PBK: variants seen among roughly 807,000 people sequenced by gnomAD.
PBK encodes lymphokine-activated killer T-cell-originated protein kinase.
A neutral mutation model predicts 33.5 loss-of-function variants in PBK; 22 were observed. That is an observed-to-expected ratio of 0.66 (90% CI 0.47 to 0.94). PBK has a LOEUF of 0.94. Ranked by LOEUF, PBK falls within the 40% of genes least tolerant of loss-of-function variation. The pLI, the probability that PBK is intolerant of heterozygous loss-of-function variation, is 0.00. For missense variants in PBK, 376 were observed against 383.4 expected (o/e 0.98, Z 0.16); for synonymous variants, 129 against 123.8 (o/e 1.04, Z -0.28).
intron 2 of PBK, 152 bp downstream of exon 2, chr8:27,832,904 A>G (rs762024904): frequency 1.1e-4 from 61 of 558,148 alleles, no homozygotes; most frequent in Non-Finnish European, 1.7e-4. Context: ...GGCCTATAAA[A>G]TAAGTCTTAT....
chr8:27,814,459 CT>C (rs1420365898), intron 6 of PBK, among the ~76,000 whole-genome samples: 1 of 151,952 alleles, frequency 6.6e-6, no homozygotes, highest in Non-Finnish European at 1.5e-5. Flanking sequence ...ATTTCATTAT[CT>C]TTTCAAATAA....
At chr8:27,819,944 G>A (rs1223825014) in intron 6 of PBK, among the ~76,000 whole-genome samples, 1 of 151,922 alleles carries the variant, frequency 6.6e-6, no homozygotes, top group East Asian at 1.9e-4. Context: ...AGAAATTCAG[G>A]CATTTATATG....
Position 27,829,342 on chromosome 8 carries a change from G to A in PBK, c.59-1144C>T, listed in dbSNP as rs193294540. Among the ~76,000 whole-genome samples the A allele has an allele frequency of 2.0e-5, 3 of 152,276 alleles. No homozygotes were observed. The East Asian group carries it at 5.8e-4, about 29-fold the overall frequency. Reference sequence around the variant, plus strand: ...AAAGTCCTCTAAAGGGTCACAACTAGATAGTACAGCTAAAGTTTAGCCCCA... The same window carrying A: ...AAAGTCCTCTAAAGGGTCACAACTAAATAGTACAGCTAAAGTTTAGCCCCA... On this transcript the variant is annotated intron_variant, in intron 2 of 7. Transcript: ENST00000301905.
At chr8:27,818,458 A>G (rs1021153693) in intron 6 of PBK, among the ~76,000 whole-genome samples, 1 of 152,198 alleles carries the variant, frequency 6.6e-6, no homozygotes. Flanking sequence ...AGGAATGGAG[A>G]AACGTTTAAC....
intron 5 of PBK, 92 bp from the exon 6 acceptor site, chr8:27,820,786 T>C (rs1805910602): frequency 1.5e-6 from 1 of 664,602 alleles, no homozygotes; most frequent in East Asian, 3.0e-5. Flanking sequence ...TGAACTCCCT[T>C]CCTAAACTCT....
chr8:27,820,542 T>G (rs1052791991), intron 6 of PBK, 23 bp downstream of exon 6: 2 of 1,453,874 alleles, frequency 1.4e-6, no homozygotes. Context: ...AACAAAATTT[T>G]AAAACTTAAG....
rs569616599 is a variant in PBK, at chr8:27,822,711, CTAAATA to C, written c.296-229_296-224del. Among the ~76,000 whole-genome samples, 20 of 152,160 alleles carry C rather than the reference CTAAATA, an allele frequency of 1.3e-4. No homozygotes were observed. The East Asian group carries it at 2.3e-3, about 18-fold the overall frequency. On this transcript the variant is annotated intron_variant, in intron 4 of 7. Transcript: ENST00000301905. ...AATACTTTTATTTTCCTTTGCTTCCCTAAATATAATAGTTTCACCAGCCCTACTTGT... is the reference window on the plus strand; with the variant it reads ...AATACTTTTATTTTCCTTTGCTTCCCTAATAGTTTCACCAGCCCTACTTGT...
chr8:27,821,879 T>C (rs186687827), intron 5 of PBK, among the ~76,000 whole-genome samples: 3 of 137,688 alleles, frequency 2.2e-5, no homozygotes, highest in African/African-American at 2.5e-5. Flanking sequence ...GATTATAATA[T>C]CATATTTTGA....
chr8:27,836,414 G>A (rs1806229164), intron 1 of PBK, among the ~76,000 whole-genome samples: 1 of 151,664 alleles, frequency 6.6e-6, no homozygotes, highest in African/African-American at 2.4e-5. Context: ...GGAGAGTTTT[G>A]TGGAGGAGTC....
intron 5 of PBK, among the ~76,000 whole-genome samples, chr8:27,821,349 G>A (rs566572135): frequency 2.0e-5 from 3 of 152,038 alleles, no homozygotes; most frequent in African/African-American, 7.2e-5. Flanking sequence ...TGCAACATCT[G>A]CCTTCCAAGT....
intron 2 of PBK, among the ~76,000 whole-genome samples, chr8:27,828,869 A>G (rs1806077481): frequency 6.6e-6 from 1 of 152,152 alleles, no homozygotes; most frequent in South Asian, 2.1e-4. Flanking sequence ...TAACTAGAAA[A>G]CTAGACAAAA....
Position 27,813,398 on chromosome 8 carries a change from ACATGTAT to A in PBK, c.596-2271_596-2265del, listed in dbSNP as rs1308187484. 9.5e-3 allele frequency among the ~76,000 whole-genome samples: 1,441 copies of A among 152,292 alleles called. 25 individuals carry two copies. The highest frequency in any genetic ancestry group is 0.032 in the African/African-American group (1,345 of 41,556). On this transcript the variant is annotated intron_variant, in intron 6 of 7. Coordinates refer to ENST00000301905, the MANE Select transcript of PBK (RefSeq NM_018492.4). Reference sequence around the variant, plus strand: ...AATGGGTGCAGCAAACCAACATGGCACATGTATACCTATGTAACAAACCTGCACATTG... The same window carrying A: ...AATGGGTGCAGCAAACCAACATGGCAACCTATGTAACAAACCTGCACATTG...
At chr8:27,837,333 C>T (rs888993088) in intron 1 of PBK, among the ~76,000 whole-genome samples, 1 of 152,006 alleles carries the variant, frequency 6.6e-6, no homozygotes, top group Non-Finnish European at 1.5e-5. Context: ...CGCGGACGGG[C>T]AGCAGAAAAC....
chr8:27,818,565 TA>T (rs1424259580), intron 6 of PBK, among the ~76,000 whole-genome samples: 1 of 152,212 alleles, frequency 6.6e-6, no homozygotes, highest in East Asian at 1.9e-4. Flanking sequence ...TATATTTTCC[TA>T]ATTGCCATTT....
chr8:27,812,935 A>G (rs1187861435), intron 6 of PBK, among the ~76,000 whole-genome samples: 1 of 152,208 alleles, frequency 6.6e-6, no homozygotes, highest in Non-Finnish European at 1.5e-5. Context: ...ATCTAGAACT[A>G]GAAATACCAT....
At chr8:27,812,394 C>A (rs1805705760) in intron 6 of PBK, 1 of 152,102 alleles carries the variant, frequency 6.6e-6, no homozygotes, top group South Asian at 2.1e-4. Context: ...CTAGGCAATA[C>A]CATTCAGGAC....
intron 5 of PBK, among the ~76,000 whole-genome samples, chr8:27,821,666 A>G (rs909326619): frequency 6.6e-6 from 1 of 152,240 alleles, no homozygotes; most frequent in Non-Finnish European, 1.5e-5. Context: ...TACATACTTT[A>G]TATCAGAAGA....
intron 2 of PBK, among the ~76,000 whole-genome samples, chr8:27,829,893 A>G (rs561310996): frequency 6.8e-6 from 1 of 147,606 alleles, no homozygotes; most frequent in South Asian, 2.2e-4. Flanking sequence ...TCAATCAATC[A>G]ATAGAAACAT....
At chr8:27,810,542 TTA>T (rs750278651) in intron 7 of PBK, 41 bp from the exon 8 acceptor site, 1 of 1,290,846 alleles carries the variant, frequency 7.7e-7, no homozygotes, top group Non-Finnish European at 1.1e-6. Context: ...CAAAATCACT[TTA>T]TGTCATGGAA....
Sources: gnomAD v4.1 joint callset for allele counts (sites outside exome capture counted in the v4.1 genomes callset) on GRCh38, gnomAD v4.1.1 for gene constraint, MANE v1.5 for transcripts, NCBI Gene and HGNC (gene_info 2026-07-23, HGNC 2026-07-21) for gene names.